The following TMEM230 variants were observed in gnomAD, a reference collection of about 807,000 sequenced individuals.
The protein encoded by TMEM230 is transmembrane protein 230, also known as UPF0414 transmembrane protein C20orf30.
TMEM230 carries 10 observed loss-of-function variants against 15.8 expected under a neutral mutation model. The ratio of observed to expected loss-of-function variants is 0.63; its 90% CI spans 0.39 to 1.07. The LOEUF is 1.07. Ranked by LOEUF, TMEM230 falls within the 50% of genes least tolerant of loss-of-function variation. The probability of loss-of-function intolerance (pLI) is 0.01; values close to 1 mark genes in which losing one functional copy is unlikely to be tolerated. For missense variants in TMEM230, 165 were observed against 193.3 expected (o/e 0.85, Z 0.87); for synonymous variants, 67 against 76.9 (o/e 0.87, Z 0.68).
rs758119588 is a variant in TMEM230 at position 5,111,607 on chromosome 20, T to TAAAAAAAAAAAAAAAAAAAAAAAAAAAAA, written c.69-31_69-3dup. The TAAAAAAAAAAAAAAAAAAAAAAAAAAAAA allele has an allele frequency of 1.7e-5, 1 of 58,792 alleles. No homozygotes were observed. The highest frequency in any genetic ancestry group is 6.5e-5 in the African/African-American group (1 of 15,462). 3.6% of individuals were successfully genotyped at this position (58,792 alleles called of 1,614,324 possible). Reference sequence around the variant, plus strand: ...CTGGGCGACAGAACTAGACTCCATCTAAAAAAAAAAAAAAAAAAAAAAAAA... The same window carrying TAAAAAAAAAAAAAAAAAAAAAAAAAAAAA: ...CTGGGCGACAGAACTAGACTCCATCTAAAAAAAAAAAAAAAAAAAAAAAAAAAAAAAAAAAAAAAAAAAAAAAAAAAAAA... On this transcript the variant is annotated splice_region_variant and splice_polypyrimidine_tract_variant and intron_variant, in intron 1 of 4. Coordinates refer to ENST00000342308, the MANE Select transcript of TMEM230 (RefSeq NM_001009923.2).
At chr20:5,108,094 C>A (rs890893644) in intron 3 of TMEM230, among the ~76,000 whole-genome samples, 2 of 151,778 alleles carry the variant, frequency 1.3e-5, no homozygotes, top group Admixed American at 1.3e-4. Context: ...GCCTGGGCAA[C>A]AGAGCAAGAC....
chr20:5,105,549 C>G (rs2090041478), intron 4 of TMEM230, among the ~76,000 whole-genome samples: 1 of 151,860 alleles, frequency 6.6e-6, no homozygotes, highest in African/African-American at 2.4e-5. Context: ...CGATATTATG[C>G]CACTGCACTC....
chr20:5,069,313 C>G (rs2088750481), exon 4 of TMEM230: 1 of 1,535,674 alleles, frequency 6.5e-7, no homozygotes, highest in South Asian at 1.2e-5. Context: ...TGTTTGTGGT[C>G]AGCTTTCTTT....
downstream of TMEM230, chr20:5,067,431 A>ATATGTG (rs1467423999): frequency 5.8e-4 from 7 of 11,996 alleles, no homozygotes; most frequent in Non-Finnish European, 1.1e-3. Context: ...ATATATATAT[A>ATATGTG]TATATATATA....
At chr20:5,067,443 A>ATATATATT (rs2088683406), downstream of TMEM230, 2 of 122,018 alleles carry the variant, frequency 1.6e-5, no homozygotes, top group Non-Finnish European at 3.4e-5. Context: ...ATATATATAT[A>ATATATATT]TATATATATA....
chr20:5,081,267 C>T (rs892286083), intron 3 of TMEM230, among the ~76,000 whole-genome samples: 4 of 152,098 alleles, frequency 2.6e-5, no homozygotes, highest in African/African-American at 9.7e-5. Context: ...TGTAAGTGGG[C>T]GGTGGGGGAT....
chr20:5,064,389 C>G (rs375340007), downstream of TMEM230, among the ~76,000 whole-genome samples: 1 of 151,870 alleles, frequency 6.6e-6, no homozygotes, highest in African/African-American at 2.4e-5. Context: ...CCAGCCTGAC[C>G]AACATGGAGA....
chr20:5,078,780 C>T (rs1011585518), intron 3 of TMEM230, among the ~76,000 whole-genome samples: 17 of 152,184 alleles, frequency 1.1e-4, no homozygotes, highest in African/African-American at 4.1e-4. Context: ...CAGAACTGGG[C>T]CACTTGTCTT....
chr20:5,077,859 G>T (rs2089052255), intron 3 of TMEM230, among the ~76,000 whole-genome samples: 1 of 152,074 alleles, frequency 6.6e-6, no homozygotes, highest in Non-Finnish European at 1.5e-5. Context: ...TGCCCTTGTG[G>T]ATTCCATCTT....
chr20:5,090,014 A>AAAAAG lies in TMEM230; in HGVS notation c.222+16169_222+16173dup, dbSNP rs377133751. On this transcript the variant is annotated intron_variant, in intron 3 of 3. Coordinates refer to the TMEM230 transcript ENST00000612323. ...CTGGGTGGCAGAAGACTCCATCTCAAAAAAGAAAAGAAAAGAAAAGATGAC... is the reference window on the plus strand; with the variant it reads ...CTGGGTGGCAGAAGACTCCATCTCAAAAAAGAAAAGAAAAGAAAAGAAAAGATGAC... Among the ~76,000 whole-genome samples the AAAAAG allele has an allele frequency of 2.5e-3, 388 of 152,248 alleles. 3 individuals carry two copies. The highest frequency in any genetic ancestry group is 9.0e-3 in the African/African-American group (372 of 41,552).
rs779370638 is a variant in TMEM230, at chr20:5,109,460, C to CA, written c.175-16dup. On this transcript the variant is annotated splice_polypyrimidine_tract_variant and intron_variant, in intron 2 of 4. Coordinates refer to ENST00000342308, the MANE Select transcript of TMEM230 (RefSeq NM_001009923.2). ...CGCTGACACAGCTACAGTTTAAAAA[C>CA]AAAAAACCCGTTATTGTCTGTAGAT... is the stretch of plus-strand genomic sequence containing the variant. 2.1e-5 allele frequency: 33 copies of CA among 1,596,308 alleles called. No homozygotes were observed. The highest frequency in any genetic ancestry group is 2.7e-5 in the Non-Finnish European group (32 of 1,165,282).
intron 4 of TMEM230, among the ~76,000 whole-genome samples, chr20:5,104,487 A>G (rs997452643): frequency 1.3e-5 from 2 of 152,264 alleles, no homozygotes; most frequent in African/African-American, 2.4e-5. Context: ...AGTATGAAAT[A>G]GAACTACCAT....
intron 3 of TMEM230, among the ~76,000 whole-genome samples, chr20:5,076,771 G>T (rs2089016205): frequency 6.9e-6 from 1 of 145,860 alleles, no homozygotes; most frequent in Non-Finnish European, 1.5e-5. Context: ...TCTGCCTCCT[G>T]GGTTCAAGCG....
downstream of TMEM230, among the ~76,000 whole-genome samples, chr20:5,095,508 A>G (rs2089640545): frequency 1.3e-5 from 2 of 152,182 alleles, no homozygotes; most frequent in South Asian, 4.1e-4. Context: ...CATTTCTATG[A>G]AGCTTCTGCA....
chr20:5,069,182 C>T (rs999932870), exon 4 of TMEM230: 3 of 1,521,724 alleles, frequency 2.0e-6, no homozygotes, highest in Admixed American at 2.2e-5. Flanking sequence ...ATTAGAGGCA[C>T]CAACCTCAGT....
At chr20:5,098,807 G>A (rs1223411097), downstream of TMEM230, among the ~76,000 whole-genome samples, 2 of 152,122 alleles carry the variant, frequency 1.3e-5, no homozygotes. Flanking sequence ...TAGAATTGGG[G>A]GGGGGAAATT....
exon 4 of TMEM230, chr20:5,068,836 T>C (rs2088731014): frequency 5.3e-6 from 1 of 190,096 alleles, no homozygotes; most frequent in African/African-American, 2.4e-5. Flanking sequence ...CTGCAGTCCC[T>C]TTGTGAGAAT....
chr20:5,106,126 C>A, intron 4 of TMEM230, 62 bp downstream of exon 3: 1 of 1,570,330 alleles, frequency 6.4e-7, no homozygotes, highest in Non-Finnish European at 8.6e-7. Flanking sequence ...CACACGCACA[C>A]TAGAGCCTTG....
Position 5,100,336 on chromosome 20 carries a change from C to T in TMEM230, c.*455G>A. 2.0e-6 allele frequency: 2 copies of T among 985,502 alleles called. No individual in the cohort carries two copies. Among genetic ancestry groups the T allele is most frequent in the Non-Finnish European group, 2.4e-6 (2 of 830,004 alleles). The allele number at this position is 985,502 out of a possible 1,614,324, so 61.0% of individuals were successfully genotyped here. On this transcript the variant is annotated 3_prime_UTR_variant, in exon 5 of 5. Transcript: ENST00000342308. Reference sequence around the variant, plus strand: ...CACTGATCTTTGATTTTACTAAGGTCTTCCACTGGAACATGAAGGTAGGGA... The same window carrying T: ...CACTGATCTTTGATTTTACTAAGGTTTTCCACTGGAACATGAAGGTAGGGA...
Sources: allele counts gnomAD v4.1 joint callset (sites outside exome capture counted in the v4.1 genomes callset), GRCh38; gene constraint gnomAD v4.1.1; transcripts MANE v1.5; gene names NCBI Gene and HGNC (gene_info 2026-07-23, HGNC 2026-07-21).